The following BDH1 variants were observed in gnomAD, a reference collection of about 807,000 sequenced individuals.
The protein encoded by BDH1 is D-beta-hydroxybutyrate dehydrogenase, mitochondrial.
BDH1 carries 30 observed loss-of-function variants against 33.1 expected under a neutral mutation model. The observed-to-expected ratio is 0.91, with a 90% CI of 0.68 to 1.23. The LOEUF is 1.23. BDH1 is among the 50% of genes most tolerant of loss of function. The pLI is 0.00. For missense variants in BDH1, 443 were observed against 464.4 expected (o/e 0.95, Z 0.42); for synonymous variants, 190 against 183.6 (o/e 1.03, Z -0.28).
intron 1 of BDH1, among the ~76,000 whole-genome samples, chr3:197,572,696 C>A (rs145141196): frequency 3.3e-3 from 502 of 152,248 alleles, no homozygotes; most frequent in Non-Finnish European, 5.2e-3. Context: ...ATGATTGTAC[C>A]ACTACACTCC....
intron 4 of BDH1, among the ~76,000 whole-genome samples, chr3:197,533,158 G>T (rs972727421): frequency 1.3e-5 from 2 of 152,128 alleles, no homozygotes; most frequent in Non-Finnish European, 2.9e-5. Flanking sequence ...ATTACAGGCG[G>T]GAGCCACCGC....
rs750379161 is a variant in BDH1 at position 197,546,343 on chromosome 3, C to A, written c.83+18G>T. 3.1e-6 allele frequency: 5 copies of A among 1,613,800 alleles called. No homozygotes were observed. Among genetic ancestry groups the A allele is most frequent in the East Asian group, 4.5e-5 (2 of 44,870 alleles). On this transcript the variant is annotated intron_variant, in intron 3 of 7. Coordinates refer to ENST00000392379, the MANE Select transcript of BDH1 (RefSeq NM_203314.3). ...AGAAAGTGTCCCCTCAAGGCCACCA[C>A]CACCTCTGGTTGCTTACCTTGCTCC...
At position 197,515,894 on chromosome 3, in the gene BDH1, A is replaced by G. The variant is rs150681482; in HGVS notation, c.410-1478T>C. ...CTCCAGCCTGGGTGACAGAGCACGC[A>G]CACACACACACACACACACACGCGC... On this transcript the variant is annotated intron_variant, in intron 6 of 7. Transcript: ENST00000392379. 626 of 143,704 alleles carry G rather than the reference A, an allele frequency of 4.4e-3. 3 individuals carry two copies. Among genetic ancestry groups the G allele is most frequent in the Middle Eastern group, 0.011 (3 of 284 alleles). The allele number at this position is 143,704 out of a possible 1,614,324, so 8.9% of individuals were successfully genotyped here.
At chr3:197,552,504 C>T (rs1464822716) in intron 2 of BDH1, among the ~76,000 whole-genome samples, 1 of 152,204 alleles carries the variant, frequency 6.6e-6, no homozygotes, top group Non-Finnish European at 1.5e-5. Context: ...GTCCCTCTGA[C>T]CTCATTCCTA....
intron 2 of BDH1, among the ~76,000 whole-genome samples, chr3:197,549,230 C>T (rs748708927): frequency 1.4e-4 from 21 of 152,158 alleles, no homozygotes; most frequent in Non-Finnish European, 2.5e-4. Flanking sequence ...CACAAAATCA[C>T]GATGCTCACA....
chr3:197,533,312 G>T (rs1012164936), intron 4 of BDH1, among the ~76,000 whole-genome samples, 177 bp downstream of exon 4: 13 of 152,182 alleles, frequency 8.5e-5, no homozygotes, highest in Non-Finnish European at 1.9e-4. Flanking sequence ...CCACATGGAT[G>T]GGGGTGTGTG....
chr3:197,533,406 T>C, intron 4 of BDH1, 83 bp downstream of exon 4: 1 of 1,423,656 alleles, frequency 7.0e-7, no homozygotes, highest in East Asian at 2.3e-5. Context: ...GGCCCCACTC[T>C]GAGGGTAGCT....
chr3:197,568,946 G>C lies in BDH1; in HGVS notation c.-44+4235C>G, dbSNP rs372413525. Among the ~76,000 whole-genome samples the C allele has an allele frequency of 1.8e-4, 28 of 152,234 alleles. No individual in the cohort carries two copies. The East Asian group carries it at 4.0e-3, about 22-fold the overall frequency. On this transcript the variant is annotated intron_variant, in intron 1 of 6. Transcript: ENST00000358186. ...ATAATACTACAATTTAGCAATAAATGGTTCATTTCTATGTACCAGCCACTG... is the reference window on the plus strand; with the variant it reads ...ATAATACTACAATTTAGCAATAAATCGTTCATTTCTATGTACCAGCCACTG...
chr3:197,515,914 A>ACACACACG (rs1289343284), intron 6 of BDH1: 1 of 150,864 alleles, frequency 6.6e-6, no homozygotes, highest in African/African-American at 2.5e-5. Flanking sequence ...ACACACACAC[A>ACACACACG]CGCGCGCGCG....
At chr3:197,566,411 C>T (rs1717434855) in intron 1 of BDH1, among the ~76,000 whole-genome samples, 1 of 152,102 alleles carries the variant, frequency 6.6e-6, no homozygotes, top group South Asian at 2.1e-4. Flanking sequence ...GCCCAGGAGC[C>T]CCAAGTTTAT....
intron 2 of BDH1, among the ~76,000 whole-genome samples, chr3:197,549,324 T>G (rs1419715150): frequency 2.6e-5 from 4 of 152,174 alleles, no homozygotes; most frequent in African/African-American, 9.7e-5. Flanking sequence ...TGTCAAGGTA[T>G]AACACATGGA....
At position 197,511,460 on chromosome 3, in the gene BDH1, C is replaced by T. The variant is rs1018545314; in HGVS notation, c.*435G>A. ...TATTTCCACAGCCGTGGCAGGAACA[C>T]ATAACTGGCACTATTTATAAGCGAT... On this transcript the variant is annotated 3_prime_UTR_variant, in exon 8 of 8. Coordinates refer to ENST00000392379, the MANE Select transcript of BDH1 (RefSeq NM_203314.3). 6.1e-4 allele frequency: 105 copies of T among 172,412 alleles called. No individual in the cohort carries two copies. The highest frequency in any genetic ancestry group is 1.1e-3 in the Non-Finnish European group (92 of 82,242). The allele number at this position is 172,412 out of a possible 1,614,324, so 10.7% of individuals were successfully genotyped here. A position where few individuals can be genotyped will look rare whatever the true frequency, so the allele number is the denominator to read the frequency against.
Position 197,525,001 on chromosome 3 carries a change from G to A in BDH1, c.268-2220C>T, listed in dbSNP as rs1025451229. Among the ~76,000 whole-genome samples the A allele has an allele frequency of 9.2e-5, 14 of 152,142 alleles. No individual in the cohort carries two copies. The highest frequency in any genetic ancestry group is 3.1e-4 in the African/African-American group (13 of 41,420). ...CAGCAGCCAGGCCGGAGGCTCGATG[G>A]TCTAAAGTTTGGCTCTGAAATCCCC... On this transcript the variant is annotated intron_variant, in intron 5 of 7. Transcript: ENST00000392379. The surrounding 1 kb of genome is among the most constrained non-coding windows in gnomAD (Gnocchi z 4.9).
chr3:197,512,018 T>TCAGGGCGGTCAGG lies in BDH1; in HGVS notation c.908_909insCCTGACCGCCCTG (p.His304LeufsTer89). 6.2e-7 allele frequency: 1 copy of TCAGGGCGGTCAGG among 1,613,990 alleles called. No homozygotes were observed. Among genetic ancestry groups the TCAGGGCGGTCAGG allele is most frequent in the East Asian group, 2.2e-5 (1 of 44,876 alleles). ...AGGGGGTGGTGGCGGTCAGGGCGTG[T>TCAGGGCGGTCAGG]GTGACAGCATCGATGACAGGGGACG... On this transcript the variant is annotated frameshift_variant, in exon 8 of 8. Coordinates refer to ENST00000392379, the MANE Select transcript of BDH1 (RefSeq NM_203314.3). LOFTEE classifies it high-confidence loss of function.
chr3:197,571,422 C>A (rs182300639), intron 1 of BDH1, among the ~76,000 whole-genome samples: 1 of 152,244 alleles, frequency 6.6e-6, no homozygotes, highest in Admixed American at 6.5e-5. Context: ...TCTGTCCCCA[C>A]CCAAATCTCA....
At chr3:197,553,979 G>A (rs544532090) in intron 2 of BDH1, among the ~76,000 whole-genome samples, 1 of 152,100 alleles carries the variant, frequency 6.6e-6, no homozygotes, top group Non-Finnish European at 1.5e-5. Flanking sequence ...TTTCAAACCC[G>A]AGGACACAAG....
Position 197,522,791 on chromosome 3 carries a change from A to G in BDH1, c.268-10T>C. On this transcript the variant is annotated splice_polypyrimidine_tract_variant and intron_variant, in intron 5 of 7. Coordinates refer to ENST00000392379, the MANE Select transcript of BDH1 (RefSeq NM_203314.3). This position sits in a 1 kb window ranked among gnomAD's most constrained non-coding sequence, Gnocchi z 4.8. ...CATCATGGCCTTTGTCCTGGGGAGG[A>G]GAGAAGAGCTGCTTCTACCTCCTTC... The G allele has an allele frequency of 6.2e-7, 1 of 1,612,948 alleles. No individual in the cohort carries two copies. The highest frequency in any genetic ancestry group is 1.3e-5 in the African/African-American group (1 of 74,932).
chr3:197,558,263 C>T (rs1288431106), upstream of BDH1, among the ~76,000 whole-genome samples: 1 of 152,202 alleles, frequency 6.6e-6, no homozygotes, highest in East Asian at 1.9e-4. Flanking sequence ...ACCTGGGACC[C>T]TTGCAGGAAT....
Position 197,522,919 on chromosome 3 carries a change from GC to G in BDH1, c.268-139del. The G allele has an allele frequency of 1.0e-6, 1 of 970,756 alleles. No homozygotes were observed. The highest frequency in any genetic ancestry group is 1.5e-6 in the Non-Finnish European group (1 of 663,570). 60.1% of individuals were successfully genotyped at this position (970,756 alleles called of 1,614,324 possible). A position where few individuals can be genotyped will look rare whatever the true frequency, so the allele number is the denominator to read the frequency against. On this transcript the variant is annotated intron_variant, in intron 5 of 7. Transcript: ENST00000392379. The surrounding 1 kb of genome is among the most constrained non-coding windows in gnomAD (Gnocchi z 4.8). ...ATACTGGCAACTGCCCATGGGCCTG[GC>G]CCACCAGCATGCGGTTCTTTTTAAT...
Sources: gnomAD v4.1 joint callset for allele counts (sites outside exome capture counted in the v4.1 genomes callset) on GRCh38, gnomAD v4.1.1 for gene constraint, Gnocchi (gnomAD v3.1) non-coding constraint, MANE v1.5 for transcripts, NCBI Gene and HGNC (gene_info 2026-07-23, HGNC 2026-07-21) for gene names.